Variants in FAM151B observed in about 807,000 individuals in gnomAD.
FAM151B encodes protein FAM151B.
A neutral mutation model predicts 31.2 loss-of-function variants in FAM151B; 24 were observed. That is an observed-to-expected ratio of 0.77 (90% CI 0.56 to 1.08). The LOEUF is 1.08. Among genes scored for constraint, FAM151B ranks in the 50% least tolerant of loss-of-function variants. FAM151B has a pLI of 0.00. For synonymous variants in FAM151B, 105 were observed against 111.4 expected, an observed-to-expected ratio of 0.94 and a Z score of 0.36; for missense variants, 293 against 328.6, an observed-to-expected ratio of 0.89 and a Z score of 0.84.
chr5:80,504,667 G>C (rs1328667624), intron 2 of FAM151B, among the ~76,000 whole-genome samples: 1 of 151,666 alleles, frequency 6.6e-6, no homozygotes, highest in Non-Finnish European at 1.5e-5. Context: ...CTATGGGCAT[G>C]TGCCACCATG....
Position 80,501,980 on chromosome 5 carries a change from A to G in FAM151B, c.151+63A>G, listed in dbSNP as rs1400633951. 8.3e-6 allele frequency: 11 copies of G among 1,333,140 alleles called. 1 individual carries two copies. The African/African-American group carries it at 1.3e-4, about 16-fold the overall frequency. The allele number at this position is 1,333,140 out of a possible 1,614,324, so 82.6% of individuals were successfully genotyped here. ...ATAGATTAATTCAACTCCTTTTTTG[A>G]TATCTAGGTATATTTGCAGATACTA... On this transcript the variant is annotated intron_variant, in intron 2 of 5. Coordinates refer to ENST00000282226, the MANE Select transcript of FAM151B (RefSeq NM_205548.3).
intron 1 of FAM151B, 116 bp from the exon 2 acceptor site, chr5:80,501,676 A>G (rs112242239): frequency 1.6e-6 from 1 of 645,050 alleles, no homozygotes; most frequent in Non-Finnish European, 2.6e-6. Flanking sequence ...ATCTATCTAT[A>G]TATATATATC....
rs549750820 is a variant in FAM151B at position 80,519,821 on chromosome 5, C to T, written c.446C>T (p.Pro149Leu). ...AATAGCAAAGTAATAGATGCAAAACCATTTTTAGACACCGTGATATCCTTC... is the reference window on the plus strand; with the variant it reads ...AATAGCAAAGTAATAGATGCAAAACTATTTTTAGACACCGTGATATCCTTC... ...NGNSKVIDAKPFLDTVISFFP... is the reference protein window; with the variant it reads ...NGNSKVIDAKLFLDTVISFFP... Residue 149 changes from proline (P) to leucine (L), a missense_variant, in exon 4 of 6, where the codon CCA (proline) becomes CTA (leucine). Transcript: ENST00000282226. The T allele has an allele frequency of 6.2e-7, 1 of 1,614,106 alleles. No individual in the cohort carries two copies. Among genetic ancestry groups the T allele is most frequent in the South Asian group, 1.1e-5 (1 of 91,084 alleles).
chr5:80,505,973 G>T (rs1307369069), intron 2 of FAM151B: 5 of 399,640 alleles, frequency 1.3e-5, no homozygotes, highest in South Asian at 5.8e-5. Flanking sequence ...GGCCAGACTG[G>T]TCTCGAACTC....
intron 5 of FAM151B, among the ~76,000 whole-genome samples, chr5:80,525,349 A>C (rs1261897243): frequency 4.6e-5 from 7 of 152,162 alleles, no homozygotes; most frequent in African/African-American, 1.4e-4. Flanking sequence ...CAGGGAACTC[A>C]ACAAGTGATG....
chr5:80,511,670 A>G (rs1417949219), intron 2 of FAM151B, among the ~76,000 whole-genome samples: 1 of 152,050 alleles, frequency 6.6e-6, no homozygotes, highest in Admixed American at 6.5e-5. Flanking sequence ...GCAGTGGCAC[A>G]ATCTCAGCTC....
chr5:80,495,906 T>C (rs1021480347), intron 1 of FAM151B, among the ~76,000 whole-genome samples: 2 of 150,148 alleles, frequency 1.3e-5, no homozygotes, highest in Non-Finnish European at 3.0e-5. Context: ...AAGATGTGAC[T>C]ACATTATCGC....
intron 5 of FAM151B, among the ~76,000 whole-genome samples, chr5:80,540,042 A>G (rs1162926149): frequency 1.3e-5 from 2 of 152,174 alleles, no homozygotes; most frequent in Non-Finnish European, 2.9e-5. Flanking sequence ...TATCACTGCC[A>G]TGCAGCCTCC....
chr5:80,517,187 T>C (rs1015445636), intron 3 of FAM151B, among the ~76,000 whole-genome samples: 4 of 152,204 alleles, frequency 2.6e-5, no homozygotes, highest in African/African-American at 9.6e-5. Flanking sequence ...TATTATAGTA[T>C]ATTGCTATAA....
At chr5:80,488,868 A>C (rs546589332) in intron 1 of FAM151B, among the ~76,000 whole-genome samples, 1 of 152,266 alleles carries the variant, frequency 6.6e-6, no homozygotes, top group South Asian at 2.1e-4. Flanking sequence ...GTAAGCGAAA[A>C]ATGTCCAGGT....
intron 5 of FAM151B, among the ~76,000 whole-genome samples, chr5:80,526,858 G>T (rs1174124852): frequency 6.6e-6 from 1 of 152,062 alleles, no homozygotes; most frequent in Non-Finnish European, 1.5e-5. Context: ...AGGGGTGGGG[G>T]CAGGGATTCT....
At chr5:80,489,029 C>A (rs889667607) in intron 1 of FAM151B, among the ~76,000 whole-genome samples, 1 of 152,174 alleles carries the variant, frequency 6.6e-6, no homozygotes, top group Non-Finnish European at 1.5e-5. Flanking sequence ...GAGTTAAGGT[C>A]ATGGTAAACA....
chr5:80,537,180 A>T (rs1745554762), intron 5 of FAM151B, among the ~76,000 whole-genome samples: 1 of 152,166 alleles, frequency 6.6e-6, no homozygotes, highest in South Asian at 2.1e-4. Context: ...TACCCACTAA[A>T]ATTAAAAGTA....
At chr5:80,538,278 A>G (rs1745614748) in intron 5 of FAM151B, among the ~76,000 whole-genome samples, 1 of 152,040 alleles carries the variant, frequency 6.6e-6, no homozygotes, top group Non-Finnish European at 1.5e-5. Flanking sequence ...CATGTTGGCC[A>G]GGATGATCTC....
At chr5:80,516,341 A>T (rs1377414664) in intron 3 of FAM151B, among the ~76,000 whole-genome samples, 1 of 152,140 alleles carries the variant, frequency 6.6e-6, no homozygotes, top group Non-Finnish European at 1.5e-5. Context: ...AAAGTATTAT[A>T]TTTTTAAATT....
At chr5:80,506,525 G>T (rs985477491) in intron 2 of FAM151B, among the ~76,000 whole-genome samples, 4 of 152,156 alleles carry the variant, frequency 2.6e-5, no homozygotes, top group Non-Finnish European at 5.9e-5. Context: ...TTTGCCGCCA[G>T]AAGCATCCAG....
Position 80,535,576 on chromosome 5 carries a change from A to G in FAM151B, c.672-6097A>G, listed in dbSNP as rs556987581. ...AAATTAGACCCGTCTCTTACTGTATACCAAAATGAAATCAAAATGGATTAA... is the reference window on the plus strand; with the variant it reads ...AAATTAGACCCGTCTCTTACTGTATGCCAAAATGAAATCAAAATGGATTAA... On this transcript the variant is annotated intron_variant, in intron 5 of 5. Transcript: ENST00000282226. Among the ~76,000 whole-genome samples the G allele has an allele frequency of 3.9e-5, 6 of 152,348 alleles. No homozygotes were observed. The South Asian group carries it at 1.2e-3, about 32-fold the overall frequency.
chr5:80,519,585 A>G (rs1402610018), intron 3 of FAM151B, 108 bp from the exon 4 acceptor site: 14 of 875,156 alleles, frequency 1.6e-5, no homozygotes, highest in Non-Finnish European at 2.4e-5. Context: ...CCCAGACATT[A>G]TTGTATTTTG....
intron 5 of FAM151B, among the ~76,000 whole-genome samples, chr5:80,528,350 G>T (rs1331899706): frequency 6.6e-6 from 1 of 151,928 alleles, no homozygotes; most frequent in African/African-American, 2.4e-5. Context: ...ACTGGCAGGG[G>T]TAAGTCCTTA....
Sources: gnomAD v4.1 joint callset for allele counts (sites outside exome capture counted in the v4.1 genomes callset) on GRCh38, gnomAD v4.1.1 for gene constraint, MANE v1.5 for transcripts, NCBI Gene and HGNC (gene_info 2026-07-23, HGNC 2026-07-21) for gene names.